The following RUNX1T1 variants were observed in gnomAD, a reference collection of about 807,000 sequenced individuals.
RUNX1T1 encodes the protein protein CBFA2T1.
A neutral mutation model predicts 62.8 loss-of-function variants in RUNX1T1; 4 were observed. The ratio of observed to expected loss-of-function variants is 0.06; its 90% CI spans 0.03 to 0.15. The LOEUF is 0.15. Among genes scored for constraint, RUNX1T1 ranks in the 10% least tolerant of loss-of-function variants. The pLI, the probability that RUNX1T1 is intolerant of heterozygous loss-of-function variation, is 1.00. For synonymous variants in RUNX1T1, 291 were observed against 286.0 expected, an observed-to-expected ratio of 1.02 and a Z score of -0.18; for missense variants, 508 against 754.3, an observed-to-expected ratio of 0.67 and a Z score of 3.82.
chr8:92,001,267 T>C (rs1819696922), intron 5 of RUNX1T1, among the ~76,000 whole-genome samples: 1 of 152,182 alleles, frequency 6.6e-6, no homozygotes, highest in Non-Finnish European at 1.5e-5. Flanking sequence ...TGGTGGCTCA[T>C]GCCTATAATC....
At chr8:92,081,036 C>T (rs1245431681) in intron 1 of RUNX1T1, among the ~76,000 whole-genome samples, 2 of 152,186 alleles carry the variant, frequency 1.3e-5, no homozygotes, top group African/African-American at 4.8e-5. Flanking sequence ...GTGGCCTACA[C>T]ACGCGGGCCA....
intron 1 of RUNX1T1, among the ~76,000 whole-genome samples, chr8:92,017,851 T>C (rs577314599): frequency 2.0e-5 from 3 of 152,348 alleles, no homozygotes; most frequent in Admixed American, 1.3e-4. Context: ...TTTTCTGGCC[T>C]ATTAGATGAA....
intron 1 of RUNX1T1, among the ~76,000 whole-genome samples, chr8:92,040,319 A>C (rs767019193): frequency 3.3e-5 from 5 of 152,090 alleles, no homozygotes; most frequent in Non-Finnish European, 4.4e-5. Context: ...ACTTATTACA[A>C]CTATTATATT....
intron 8 of RUNX1T1, among the ~76,000 whole-genome samples, chr8:91,984,731 G>A (rs1357116299): frequency 6.6e-6 from 1 of 151,940 alleles, no homozygotes; most frequent in Non-Finnish European, 1.5e-5. Flanking sequence ...ATCAATTTTT[G>A]TTCATAATAA....
At chr8:91,996,247 C>T (rs987230327) in intron 5 of RUNX1T1, among the ~76,000 whole-genome samples, 2 of 151,878 alleles carry the variant, frequency 1.3e-5, no homozygotes, top group Non-Finnish European at 2.9e-5. Context: ...TGTCGCCCAG[C>T]CTGGAGTGCA....
intron 1 of RUNX1T1, among the ~76,000 whole-genome samples, chr8:92,040,287 A>G (rs1274417386): frequency 3.9e-5 from 6 of 152,172 alleles, no homozygotes; most frequent in African/African-American, 7.2e-5. Flanking sequence ...TTTTACATAC[A>G]TTTATTAGCA....
intron 1 of RUNX1T1, among the ~76,000 whole-genome samples, chr8:92,090,056 T>A (rs752465232): frequency 2.1e-4 from 31 of 151,106 alleles, no homozygotes; most frequent in Non-Finnish European, 3.8e-4. Context: ...AATCACCAAG[T>A]CTGCCCTTCG....
At chr8:92,047,967 G>A (rs756781547) in intron 1 of RUNX1T1, among the ~76,000 whole-genome samples, 1 of 152,140 alleles carries the variant, frequency 6.6e-6, no homozygotes, top group Non-Finnish European at 1.5e-5. Flanking sequence ...CAGCTGAGTA[G>A]TCCTTTAAGA....
intron 5 of RUNX1T1, chr8:91,994,480 C>T (rs146774331): frequency 0.012 from 4,432 of 383,442 alleles, 41 homozygotes; most frequent in Middle Eastern, 0.037. Context: ...GCTAACACAG[C>T]ACCTACCTTA....
upstream of RUNX1T1, chr8:92,103,105 G>A (rs868828537): frequency 4.8e-6 from 2 of 414,660 alleles, no homozygotes. Context: ...CCGGGGTCGG[G>A]GACGCCAGCC....
chr8:92,034,136 G>A (rs1435014721), intron 1 of RUNX1T1, among the ~76,000 whole-genome samples: 4 of 152,092 alleles, frequency 2.6e-5, no homozygotes, highest in Non-Finnish European at 5.9e-5. Flanking sequence ...GAACACACAC[G>A]AGTAGAAAAA....
chr8:92,062,695 G>A, exon 1 of RUNX1T1: 1 of 1,610,782 alleles, frequency 6.2e-7, no homozygotes, highest in East Asian at 2.2e-5. Context: ...GAGGCAGGGT[G>A]CTGGGCGCGT....
intron 10 of RUNX1T1, among the ~76,000 whole-genome samples, chr8:91,961,503 G>A (rs2130440588): frequency 6.6e-6 from 1 of 152,258 alleles, no homozygotes; most frequent in East Asian, 1.9e-4. Flanking sequence ...CAAGACATGA[G>A]AAAAGTGGGA....
intron 1 of RUNX1T1, among the ~76,000 whole-genome samples, chr8:92,085,267 G>A (rs990476848): frequency 8.5e-5 from 13 of 152,186 alleles, no homozygotes; most frequent in African/African-American, 2.9e-4. Flanking sequence ...CAAAAGATTT[G>A]TAAAATGACT....
At chr8:92,024,632 T>C (rs1253933226) in intron 1 of RUNX1T1, among the ~76,000 whole-genome samples, 2 of 150,946 alleles carry the variant, frequency 1.3e-5, no homozygotes, top group Admixed American at 6.6e-5. Context: ...TTATCTGACA[T>C]CTCTGTAGCA....
Position 92,062,685 on chromosome 8 carries a change from G to A in RUNX1T1, c.-133C>T, listed in dbSNP as rs377447397. On this transcript the variant is annotated 5_prime_UTR_variant, in exon 1 of 11. Coordinates refer to ENST00000396218, the Ensembl canonical transcript of RUNX1T1. ...CAGAGGGGCTGGGGCGGCATCGCCG[G>A]AGGCAGGGTGCTGGGCGCGTGCGCC... 3.1e-6 allele frequency: 5 copies of A among 1,612,246 alleles called. No individual in the cohort carries two copies. In the Admixed American group the frequency reaches 5.0e-5, roughly 16 times the overall value.
chr8:92,086,029 A>C (rs1359921462), intron 1 of RUNX1T1, among the ~76,000 whole-genome samples: 1 of 152,206 alleles, frequency 6.6e-6, no homozygotes, highest in Non-Finnish European at 1.5e-5. Context: ...TTTAGAGTAG[A>C]TTTGAAAAAT....
intron 4 of RUNX1T1, 65 bp downstream of exon 5, chr8:92,010,935 GCA>G: frequency 1.2e-6 from 1 of 832,338 alleles, no homozygotes. Context: ...TACTAAAAAA[GCA>G]CACAGTTATG....
chr8:92,014,908 T>C, intron 2 of RUNX1T1, 88 bp from the exon 4 acceptor site: 3 of 1,298,302 alleles, frequency 2.3e-6, no homozygotes, highest in Non-Finnish European at 3.2e-6. Context: ...ACCTTTTACA[T>C]CTACTAGTTT....
Sources: gnomAD v4.1 joint callset for allele counts (sites outside exome capture counted in the v4.1 genomes callset) on GRCh38, gnomAD v4.1.1 for gene constraint, MANE v1.5 for transcripts, NCBI Gene and HGNC (gene_info 2026-07-23, HGNC 2026-07-21) for gene names.